COL6A5: variants seen among roughly 807,000 people sequenced by gnomAD.
COL6A5 encodes the protein collagen alpha-5(VI) chain.
Under a neutral mutation model 65.6 loss-of-function variants are expected in COL6A5, and 48 were observed. The observed-to-expected ratio is 0.73, with a 90% CI of 0.58 to 0.93. The LOEUF (loss-of-function observed/expected upper bound fraction) is 0.93. Ranked by LOEUF, COL6A5 falls within the 40% of genes least tolerant of loss-of-function variation. The pLI is 0.00. For missense variants in COL6A5, 914 were observed against 928.3 expected (o/e 0.98, Z 0.20); for synonymous variants, 291 against 322.8 (o/e 0.90, Z 1.05).
intron 1 of COL6A5, among the ~76,000 whole-genome samples, chr3:130,369,410 C>A (rs1420193932): frequency 1.3e-5 from 2 of 152,192 alleles, no homozygotes; most frequent in Non-Finnish European, 2.9e-5. Context: ...AAGAATTACA[C>A]CGAGGCCTTT....
intron 29 of COL6A5, among the ~76,000 whole-genome samples, chr3:130,424,357 T>C (rs1937566266): frequency 6.6e-6 from 1 of 152,050 alleles, no homozygotes; most frequent in African/African-American, 2.4e-5. Context: ...TATGATTCTA[T>C]TACAAGAAAA....
At chr3:130,391,802 A>G in intron 7 of COL6A5, 48 bp downstream of exon 7, 1 of 1,383,088 alleles carries the variant, frequency 7.2e-7, no homozygotes, top group South Asian at 1.4e-5. Context: ...ATAAAAGTTT[A>G]AACAAAAAGT....
chr3:130,363,733 A>C (rs956554808), intron 1 of COL6A5, among the ~76,000 whole-genome samples: 3 of 152,224 alleles, frequency 2.0e-5, no homozygotes, highest in African/African-American at 4.8e-5. Context: ...AAACTTAACG[A>C]AAGTGTGGGT....
chr3:130,357,960 C>T (rs376579047), intron 1 of COL6A5, among the ~76,000 whole-genome samples: 9 of 152,146 alleles, frequency 5.9e-5, no homozygotes, highest in East Asian at 3.9e-4. Context: ...GAGCCTGAGG[C>T]GGGCGGATCA....
At chr3:130,447,452 C>T (rs537733837) in intron 4 of COL6A5, among the ~76,000 whole-genome samples, 4 of 152,152 alleles carry the variant, frequency 2.6e-5, no homozygotes, top group South Asian at 2.1e-4. Context: ...TTTAATCCAG[C>T]GGCATTGACA....
At chr3:130,413,682 G>T (rs775967086) in intron 21 of COL6A5, 102 bp downstream of exon 21, 58 of 1,189,058 alleles carry the variant, frequency 4.9e-5, no homozygotes, top group Non-Finnish European at 7.0e-5. Context: ...TTTTACAAGG[G>T]TATAGGAAGT....
At chr3:130,404,693 T>C (rs761097292) in intron 13 of COL6A5, among the ~76,000 whole-genome samples, 5 of 152,192 alleles carry the variant, frequency 3.3e-5, no homozygotes, top group Non-Finnish European at 1.5e-5. Context: ...AAGGTACCTC[T>C]CAGCAACCTG....
intron 11 of COL6A5, 97 bp from the exon 12 acceptor site, chr3:130,401,665 C>T (rs2123567): frequency 0.099 from 85,542 of 862,974 alleles, 6,130 homozygotes; most frequent in East Asian, 0.28. Flanking sequence ...TGAAGATGGG[C>T]GTGTAGATGG....
Position 130,351,869 on chromosome 3 carries a change from G to T in COL6A5, c.-29+5888G>T, listed in dbSNP as rs565917233. 8.5e-5 allele frequency among the ~76,000 whole-genome samples: 13 copies of T among 152,270 alleles called. No homozygotes were observed. The South Asian group carries it at 2.7e-3, about 32-fold the overall frequency. On this transcript the variant is annotated intron_variant and NMD_transcript_variant, in intron 1 of 41. Coordinates refer to the COL6A5 transcript ENST00000312481. ...AGACACATGCACACGTATGTTTATT[G>T]TGGCACTATTCACAATAGCAAAGAC...
At chr3:130,370,622 G>A (rs971994303) in intron 1 of COL6A5, among the ~76,000 whole-genome samples, 1 of 152,088 alleles carries the variant, frequency 6.6e-6, no homozygotes, top group Non-Finnish European at 1.5e-5. Flanking sequence ...AAAAAAGACA[G>A]ACTAATCAGA....
At chr3:130,390,921 G>A (rs775443862) in intron 6 of COL6A5, among the ~76,000 whole-genome samples, 1 of 152,184 alleles carries the variant, frequency 6.6e-6, no homozygotes, top group Non-Finnish European at 1.5e-5. Context: ...AGAGTGGTGT[G>A]GCATAAGGAC....
At chr3:130,357,190 A>G (rs928975097) in intron 1 of COL6A5, among the ~76,000 whole-genome samples, 2 of 152,196 alleles carry the variant, frequency 1.3e-5, no homozygotes, top group South Asian at 2.1e-4. Context: ...GGAATAATTT[A>G]TTTGACTTTA....
chr3:130,464,251 C>A (rs1395274237), intron 5 of COL6A5, among the ~76,000 whole-genome samples: 2 of 151,938 alleles, frequency 1.3e-5, no homozygotes, highest in East Asian at 3.9e-4. Flanking sequence ...CCTGCATAAG[C>A]CTCTCAATAG....
chr3:130,408,568 T>A (rs1482456130), intron 17 of COL6A5, among the ~76,000 whole-genome samples: 2 of 152,162 alleles, frequency 1.3e-5, no homozygotes, highest in Admixed American at 1.3e-4. Context: ...TCTGCCCTTG[T>A]GATATTTTAT....
intron 5 of COL6A5, among the ~76,000 whole-genome samples, chr3:130,463,741 C>T: frequency 6.6e-6 from 1 of 152,062 alleles, no homozygotes; most frequent in East Asian, 1.9e-4. Flanking sequence ...TATATTTTAT[C>T]CACACTTCTG....
At position 130,414,032 on chromosome 3, in the gene COL6A5, G is replaced by A. The variant is rs377609962; in HGVS notation, c.4699-37G>A. ...AAGAAAATCTATATGGAAACAACGT[G>A]TAGAAATGCTTGACACTGGAAACTC... On this transcript the variant is annotated intron_variant and NMD_transcript_variant, in intron 21 of 41. Transcript: ENST00000312481. 1.5e-5 allele frequency: 21 copies of A among 1,420,818 alleles called. 1 individual carries two copies. The South Asian group carries it at 2.6e-4, about 18-fold the overall frequency. 88.0% of individuals were successfully genotyped at this position (1,420,818 alleles called of 1,614,324 possible). A position where few individuals can be genotyped will look rare whatever the true frequency, so the allele number is the denominator to read the frequency against.
intron 14 of COL6A5, 75 bp downstream of exon 14, chr3:130,405,734 C>T: frequency 2.4e-6 from 3 of 1,226,354 alleles, no homozygotes; most frequent in South Asian, 2.7e-5. Context: ...TCCTTTCCTC[C>T]CTCATTTTCT....
At chr3:130,477,237 C>T (rs1348854118) in intron 7 of COL6A5, 1 of 606,804 alleles carries the variant, frequency 1.6e-6, no homozygotes, top group African/African-American at 1.8e-5. Flanking sequence ...GCTCAAAGTA[C>T]ACACTATGCG....
At chr3:130,408,359 C>T (rs912220644) in intron 17 of COL6A5, among the ~76,000 whole-genome samples, 15 of 152,178 alleles carry the variant, frequency 9.9e-5, no homozygotes, top group Non-Finnish European at 2.2e-4. Flanking sequence ...GGATGAAATA[C>T]GCCCTGGTCT....
Sources: gnomAD v4.1 joint callset for allele counts (sites outside exome capture counted in the v4.1 genomes callset) on GRCh38, gnomAD v4.1.1 for gene constraint, MANE v1.5 for transcripts, NCBI Gene and HGNC (gene_info 2026-07-23, HGNC 2026-07-21) for gene names.